GAK: variants seen among roughly 807,000 people sequenced by gnomAD.
GAK encodes the protein cyclin-G-associated kinase.
In GAK, 79 loss-of-function variants were observed where a neutral mutation model predicts 143.9. The observed-to-expected ratio is 0.55, with a 90% CI of 0.46 to 0.66. The LOEUF is 0.66. Among genes scored for constraint, GAK ranks in the 30% least tolerant of loss-of-function variants. The pLI is 0.00. For synonymous variants in GAK, 881 were observed against 765.5 expected, an observed-to-expected ratio of 1.15 and a Z score of -2.49; for missense variants, 1,693 against 1,779.7, an observed-to-expected ratio of 0.95 and a Z score of 0.88.
intron 16 of GAK, 75 bp downstream of exon 16, chr4:877,540 C>G: frequency 6.9e-7 from 1 of 1,458,554 alleles, no homozygotes; most frequent in Non-Finnish European, 9.2e-7. Flanking sequence ...CCCGGCAAGG[C>G]CAGGGTTCCT....
rs1720097905 is a variant in GAK, at chr4:902,598, A to AAAAAAAAAAAC, written c.525+2038_525+2039insGTTTTTTTTTT. The stretch of plus-strand genomic sequence containing the variant: ...CCTGGGCTGTAGAGTGACTGACTCA[A>AAAAAAAAAAAC]AAAAAAAAAAAAAAAACCCCAAAAA... On this transcript the variant is annotated intron_variant, in intron 5 of 27. Transcript: ENST00000314167. 2.0e-5 allele frequency among the ~76,000 whole-genome samples: 3 copies of AAAAAAAAAAAC among 147,444 alleles called. 1 individual carries two copies. Among genetic ancestry groups the AAAAAAAAAAAC allele is most frequent in the East Asian group, 4.0e-4 (2 of 5,058 alleles).
In GAK at chr4:870,698, T is replaced by C; in HGVS notation, c.2248+13A>G. On this transcript the variant is annotated intron_variant, in intron 19 of 27. Coordinates refer to ENST00000314167, the MANE Select transcript of GAK (RefSeq NM_005255.4). ...CAGAACAGGGTTCACCTAATTCACC[T>C]GCGGGATCTTACCAAACTTAGACAG... The C allele has an allele frequency of 6.2e-7, 1 of 1,612,816 alleles. No homozygotes were observed. Among genetic ancestry groups the C allele is most frequent in the Non-Finnish European group, 8.5e-7 (1 of 1,179,554 alleles).
At chr4:899,205 T>C (rs912756364) in intron 5 of GAK, among the ~76,000 whole-genome samples, 7 of 152,206 alleles carry the variant, frequency 4.6e-5, no homozygotes, top group African/African-American at 1.4e-4. Flanking sequence ...CCCCAACATT[T>C]AGGCAAACCA....
chr4:866,913 C>T (rs1391523066), intron 21 of GAK, 43 bp downstream of exon 21: 1 of 1,353,798 alleles, frequency 7.4e-7, no homozygotes, highest in Non-Finnish European at 1.0e-6. Context: ...CCTCATCACT[C>T]ATCTACTGTG....
chr4:884,810 C>T (rs1415892165), intron 11 of GAK, among the ~76,000 whole-genome samples: 2 of 152,204 alleles, frequency 1.3e-5, no homozygotes, highest in African/African-American at 4.8e-5. Context: ...CCGGAGGCTG[C>T]GGGGACCAGA....
Position 849,282 on chromosome 4 carries a change from G to A in GAK, c.*391C>T, listed in dbSNP as rs752870924. Reference sequence around the variant, plus strand: ...CCACACTGGAGACACAGCAGTCATCGGAAAATAGTTTAATTCTGTACAGAC... The same window carrying A: ...CCACACTGGAGACACAGCAGTCATCAGAAAATAGTTTAATTCTGTACAGAC... On this transcript the variant is annotated 3_prime_UTR_variant, in exon 28 of 28. Coordinates refer to ENST00000314167, the MANE Select transcript of GAK (RefSeq NM_005255.4). 1.6e-4 allele frequency: 32 copies of A among 197,014 alleles called. No individual in the cohort carries two copies. Among genetic ancestry groups the A allele is most frequent in the Non-Finnish European group, 2.4e-4 (23 of 94,398 alleles). 12.2% of individuals were successfully genotyped at this position (197,014 alleles called of 1,614,324 possible).
intron 22 of GAK, among the ~76,000 whole-genome samples, chr4:866,050 T>C (rs1036682502): frequency 1.3e-5 from 2 of 152,252 alleles, no homozygotes. Context: ...GGTGGCCTTC[T>C]CTGCTAACAG....
intron 5 of GAK, among the ~76,000 whole-genome samples, chr4:903,671 G>A (rs1186763800): frequency 2.6e-5 from 4 of 151,242 alleles, no homozygotes; most frequent in Admixed American, 6.6e-5. Context: ...GGGGTGAGCA[G>A]GAGTGCGGGG....
intron 1 of GAK, among the ~76,000 whole-genome samples, chr4:926,479 T>G (rs1342067612): frequency 1.3e-5 from 2 of 152,184 alleles, no homozygotes; most frequent in Non-Finnish European, 2.9e-5. Context: ...AACTAATCTC[T>G]GCAAACGTCA....
chr4:878,802 A>C (rs146733762), intron 15 of GAK, among the ~76,000 whole-genome samples: 1,716 of 152,274 alleles, frequency 0.011, 10 homozygotes, highest in Non-Finnish European at 0.016. Flanking sequence ...TAAACCCCCC[A>C]GAGTCTGCCT....
chr4:890,676 C>T (rs1264265793), intron 9 of GAK, 54 bp from the exon 10 acceptor site: 2 of 1,475,904 alleles, frequency 1.4e-6, no homozygotes, highest in East Asian at 2.3e-5. Flanking sequence ...CTCACGCCTG[C>T]CCACGTCGGG....
chr4:850,956 TG>T lies in GAK; in HGVS notation c.3636del (p.Asp1212GlufsTer7). ...CCCACCTTCAGCTTGAGTGGGTCCG[TG>T]TCTTTAGCCAGGTCCTGCTTCCTCA... Reference protein sequence around the residue: ...AEMRKQDLAKDTDPLKLKLLD... With the variant: ...AEMRKQDLAKXTDPLKLKLLD... On this transcript the variant is annotated frameshift_variant, in exon 26 of 28. Coordinates refer to ENST00000314167, the MANE Select transcript of GAK (RefSeq NM_005255.4). LOFTEE classifies it high-confidence loss of function. 6.2e-7 allele frequency: 1 copy of T among 1,613,758 alleles called. No individual in the cohort carries two copies. Among genetic ancestry groups the T allele is most frequent in the Non-Finnish European group, 8.5e-7 (1 of 1,179,804 alleles).
intron 1 of GAK, among the ~76,000 whole-genome samples, chr4:924,207 A>C (rs1724335188): frequency 6.6e-6 from 1 of 151,278 alleles, no homozygotes; most frequent in Non-Finnish European, 1.5e-5. Flanking sequence ...ATTGCTGAAC[A>C]TCATCATCAG....
chr4:904,476 G>A (rs1369337524), intron 5 of GAK, among the ~76,000 whole-genome samples, 161 bp downstream of exon 5: 1 of 148,278 alleles, frequency 6.7e-6, no homozygotes, highest in Non-Finnish European at 1.5e-5. Flanking sequence ...CCGCTACCTT[G>A]AGGTCCCTGT....
intron 24 of GAK, 101 bp from the exon 25 acceptor site, chr4:852,075 T>G: frequency 2.0e-6 from 2 of 1,014,050 alleles, no homozygotes; most frequent in Non-Finnish European, 3.0e-6. Flanking sequence ...AACATGCGCT[T>G]GCAAAATAGA....
Position 868,750 on chromosome 4 carries a change from C to T in GAK, c.2249-65G>A, listed in dbSNP as rs1208292822. The T allele has an allele frequency of 1.1e-5, 16 of 1,501,038 alleles. No homozygotes were observed. In the East Asian group the frequency reaches 4.0e-4, roughly 37 times the overall value. 93.0% of individuals were successfully genotyped at this position (1,501,038 alleles called of 1,614,324 possible). ...AGCAGCCTCGGGGCAACACTGACCCCAGAGCTGGGAAGTGCAGCCAGGCGG... is the reference window on the plus strand; with the variant it reads ...AGCAGCCTCGGGGCAACACTGACCCTAGAGCTGGGAAGTGCAGCCAGGCGG... On this transcript the variant is annotated intron_variant, in intron 19 of 27. Transcript: ENST00000314167.
chr4:881,862 C>A, intron 15 of GAK, 45 bp downstream of exon 15: 1 of 1,526,358 alleles, frequency 6.6e-7, no homozygotes, highest in Non-Finnish European at 8.9e-7. Context: ...CAGTGCCACA[C>A]GGGCCCACAG....
intron 5 of GAK, among the ~76,000 whole-genome samples, chr4:899,451 G>C (rs1719437147): frequency 6.6e-6 from 1 of 151,834 alleles, no homozygotes; most frequent in African/African-American, 2.4e-5. Flanking sequence ...GCTCCGAGAG[G>C]GCAGCACACC....
intron 23 of GAK, among the ~76,000 whole-genome samples, chr4:862,019 G>A (rs961600045): frequency 3.9e-5 from 6 of 152,236 alleles, no homozygotes; most frequent in Non-Finnish European, 7.3e-5. Context: ...CGCTGACGGG[G>A]AAGCTGCAGT....
Sources: allele counts gnomAD v4.1 joint callset (sites outside exome capture counted in the v4.1 genomes callset), GRCh38; gene constraint gnomAD v4.1.1; transcripts MANE v1.5; gene names NCBI Gene and HGNC (gene_info 2026-07-23, HGNC 2026-07-21).